RBM5: variants seen among roughly 807,000 people sequenced by gnomAD.
The protein encoded by RBM5 is RNA-binding protein 5.
Under a neutral mutation model 124.6 loss-of-function variants are expected in RBM5, and 15 were observed. That is an observed-to-expected ratio of 0.12 (90% CI 0.08 to 0.19). The LOEUF is 0.19. Ranked by LOEUF, RBM5 falls within the 10% of genes least tolerant of loss-of-function variation. The pLI, the probability that RBM5 is intolerant of heterozygous loss-of-function variation, is 1.00. For missense variants in RBM5, 580 were observed against 1,026.5 expected (o/e 0.57, Z 5.94); for synonymous variants, 337 against 361.2 (o/e 0.93, Z 0.76).
At chr3:50,095,365 G>GT (rs1396257733) in intron 4 of RBM5, among the ~76,000 whole-genome samples, 2 of 152,090 alleles carry the variant, frequency 1.3e-5, no homozygotes, top group Non-Finnish European at 2.9e-5. Context: ...AGGATGATTG[G>GT]TAAATACCTA....
rs2091266350 is a variant in RBM5, at chr3:50,117,036, C to T, written c.2095-38C>T. 3.8e-6 allele frequency: 6 copies of T among 1,570,722 alleles called. No individual in the cohort carries two copies. In the South Asian group the frequency reaches 6.7e-5, roughly 17 times the overall value. On this transcript the variant is annotated intron_variant, in intron 22 of 24. Coordinates refer to ENST00000347869, the MANE Select transcript of RBM5 (RefSeq NM_005778.4). This position sits in a 1 kb window ranked among gnomAD's most constrained non-coding sequence, Gnocchi z 4.2. Reference sequence around the variant, plus strand: ...GCATTAGACGGTTACAGGTTGAAGTCTGTGAACATTTCCAGCAGTGTTTTT... The same window carrying T: ...GCATTAGACGGTTACAGGTTGAAGTTTGTGAACATTTCCAGCAGTGTTTTT...
chr3:50,110,898 C>A, intron 17 of RBM5, 128 bp downstream of exon 17: 1 of 696,402 alleles, frequency 1.4e-6, no homozygotes, highest in Non-Finnish European at 2.3e-6. Context: ...TCTTCAAAGC[C>A]ACCAAAATGT....
At chr3:50,091,681 C>G (rs1190623243) in intron 2 of RBM5, among the ~76,000 whole-genome samples, 1 of 152,168 alleles carries the variant, frequency 6.6e-6, no homozygotes, top group Admixed American at 6.5e-5. Context: ...ATTCGAGTAA[C>G]TGCTTTCTTC....
intron 3 of RBM5, chr3:50,092,659 A>T: frequency 2.3e-6 from 1 of 432,580 alleles, no homozygotes; most frequent in South Asian, 1.6e-5. Flanking sequence ...TTTAGGTCTC[A>T]GTACAACCTG....
intron 7 of RBM5, among the ~76,000 whole-genome samples, 160 bp from the exon 8 acceptor site, chr3:50,104,088 T>A (rs928728808): frequency 6.6e-6 from 1 of 152,242 alleles, no homozygotes; most frequent in Non-Finnish European, 1.5e-5. Context: ...TTAACAGTGT[T>A]ACATTCTGAA....
At chr3:50,098,677 C>G (rs1248813304) in intron 4 of RBM5, among the ~76,000 whole-genome samples, 1 of 151,944 alleles carries the variant, frequency 6.6e-6, no homozygotes, top group Non-Finnish European at 1.5e-5. Flanking sequence ...CTCTTGACCT[C>G]GTGATCCACC....
chr3:50,099,411 A>G (rs942628058), intron 4 of RBM5, among the ~76,000 whole-genome samples: 1 of 152,194 alleles, frequency 6.6e-6, no homozygotes, highest in African/African-American at 2.4e-5. Flanking sequence ...GATAGAAGAT[A>G]AAAACTTGGC....
At chr3:50,109,908 G>A in intron 15 of RBM5, 1 of 444,318 alleles carries the variant, frequency 2.3e-6, no homozygotes, top group South Asian at 3.5e-5. Flanking sequence ...ATGCATGCTT[G>A]ACCTTTAGAA....
chr3:50,102,794 A>G (rs1228255053), intron 6 of RBM5: 1 of 370,196 alleles, frequency 2.7e-6, no homozygotes, highest in East Asian at 6.6e-5. Flanking sequence ...TCAATGCTGA[A>G]TGTTAGGACT....
In RBM5 at chr3:50,092,108, G is replaced by A. The variant is rs148224209; in HGVS notation, c.83G>A (p.Arg28His). ...ATAGACAGGGATGACCGTGATGAGC[G>A]TGAATCCCGAAGCAGGCGGAGGGAC... ...SIIDRDDRDE[R>H]ESRSRRRDSD... Residue 28 changes from arginine (R) to histidine (H), a missense_variant, in exon 3 of 25, where the codon CGT becomes CAT. By Grantham distance (29) the Arg-to-His change is conservative. Around this residue, in one of 6 missense-constraint regions of RBM5, gnomAD observed 99 missense variants for 121.1 expected, o/e 0.82. Coordinates refer to ENST00000347869, the MANE Select transcript of RBM5 (RefSeq NM_005778.4). 22 of 1,613,908 alleles carry A rather than the reference G, an allele frequency of 1.4e-5. No individual in the cohort carries two copies. Among genetic ancestry groups the A allele is most frequent in the African/African-American group, 4.0e-5 (3 of 74,888 alleles).
At chr3:50,116,019 G>A in intron 22 of RBM5, 39 bp downstream of exon 22, 1 of 1,552,834 alleles carries the variant, frequency 6.4e-7, no homozygotes, top group Non-Finnish European at 8.9e-7. Flanking sequence ...AGGATATTGG[G>A]ATAATTGCCT....
rs139200977 is a variant in RBM5, at chr3:50,098,672, G to T, written c.340-1310G>T. 3.4e-3 allele frequency among the ~76,000 whole-genome samples: 524 copies of T among 152,084 alleles called. 2 individuals carry two copies. Among genetic ancestry groups the T allele is most frequent in the African/African-American group, 0.012 (499 of 41,466 alleles). ...TTAGCCAGGATGGTCTCCATCTCTT[G>T]ACCTCGTGATCCACCTGCCTTGGCC... On this transcript the variant is annotated intron_variant, in intron 4 of 24. Transcript: ENST00000347869.
chr3:50,090,302 C>T, intron 1 of RBM5, 80 bp from the exon 2 acceptor site: 1 of 906,216 alleles, frequency 1.1e-6, no homozygotes, highest in South Asian at 1.6e-5. Flanking sequence ...AAATCCCAGC[C>T]TCAGTAGTAT....
At position 50,094,205 on chromosome 3, in the gene RBM5, G is replaced by A. The variant is rs28411848; in HGVS notation, c.339+330G>A. 4.5e-3 allele frequency: 740 copies of A among 165,330 alleles called. 8 individuals are homozygous for A. The highest frequency in any genetic ancestry group is 0.017 in the African/African-American group (691 of 40,660). The allele number at this position is 165,330 out of a possible 1,614,324, so 10.2% of individuals were successfully genotyped here. On this transcript the variant is annotated intron_variant, in intron 4 of 24. Coordinates refer to ENST00000347869, the MANE Select transcript of RBM5 (RefSeq NM_005778.4). ...AGAGTCTTGCTCTGTCACCCAGGCT[G>A]GAGTGCAGTGGTACAACCTCGGCTC...
intron 4 of RBM5, among the ~76,000 whole-genome samples, chr3:50,096,339 A>T (rs1271723424): frequency 2.1e-5 from 3 of 140,148 alleles, no homozygotes; most frequent in Non-Finnish European, 4.7e-5. Flanking sequence ...AAAAAAAAAA[A>T]TAGCCAGTCT....
At chr3:50,090,300 G>C (rs1195369089) in intron 1 of RBM5, 82 bp from the exon 2 acceptor site, 4 of 871,296 alleles carry the variant, frequency 4.6e-6, no homozygotes. Context: ...TGAAATCCCA[G>C]CCTCAGTAGT....
intron 12 of RBM5, among the ~76,000 whole-genome samples, 189 bp from the exon 13 acceptor site, chr3:50,107,881 T>C (rs538704873): frequency 7.2e-5 from 11 of 151,776 alleles, no homozygotes; most frequent in Non-Finnish European, 1.3e-4. Flanking sequence ...AGATGGGATT[T>C]CACCACGTTG....
Position 50,118,757 on chromosome 3 carries a change from G to A in RBM5, c.*301G>A. On this transcript the variant is annotated 3_prime_UTR_variant, in exon 25 of 25. Transcript: ENST00000347869. The stretch of plus-strand genomic sequence containing the variant: ...GTTTACATGTGTAGCCTATGTTGTG[G>A]TCCATCAGCCCCTCACATTCCTAGG... 3.1e-6 allele frequency: 1 copy of A among 323,900 alleles called. No homozygotes were observed. Among genetic ancestry groups the A allele is most frequent in the Non-Finnish European group, 5.7e-6 (1 of 174,092 alleles). The allele number at this position is 323,900 out of a possible 1,614,324, so 20.1% of individuals were successfully genotyped here.
chr3:50,107,554 G>A lies in RBM5; in HGVS notation c.1026G>A (p.Gln342=), dbSNP rs1392192531. 1 of 1,608,374 alleles carries A rather than the reference G, an allele frequency of 6.2e-7. No individual in the cohort carries two copies. The highest frequency in any genetic ancestry group is 2.2e-5 in the East Asian group (1 of 44,844). The change falls in exon 12 of 25, where the codon CAG becomes CAA. Residue 342 remains glutamine (Q), a synonymous_variant. Transcript: ENST00000347869. ...CTAGTACGGCTATTGCTGCTGCTCA[G>A]TGGTCATCCACCCAGGTAAGATCGA... ...SVASTAIAAA[Q]WSSTQSQSGE...
Sources: gnomAD v4.1 joint callset for allele counts (sites outside exome capture counted in the v4.1 genomes callset) on GRCh38, gnomAD v4.1.1 for gene constraint, gnomAD v4.1.1 regional missense constraint, Gnocchi (gnomAD v3.1) non-coding constraint, MANE v1.5 for transcripts, NCBI Gene and HGNC (gene_info 2026-07-23, HGNC 2026-07-21) for gene names.